Variants in DENND1A observed in about 807,000 individuals in gnomAD.
DENND1A encodes DENN domain-containing protein 1A.
DENND1A carries 51 observed loss-of-function variants against 113.7 expected under a neutral mutation model. The observed-to-expected ratio is 0.45, with a 90% CI of 0.36 to 0.57. The LOEUF is 0.57. DENND1A is among the 20% of genes least tolerant of loss of function. The pLI, the probability that DENND1A is intolerant of heterozygous loss-of-function variation, is 0.00. For missense variants in DENND1A, 1,258 were observed against 1,395.9 expected, an observed-to-expected ratio of 0.90 and a Z score of 1.57; for synonymous variants, 565 against 570.8, an observed-to-expected ratio of 0.99 and a Z score of 0.14.
intron 1 of DENND1A, among the ~76,000 whole-genome samples, chr9:123,892,291 G>A (rs897239248): frequency 6.6e-6 from 1 of 152,184 alleles, no homozygotes; most frequent in Non-Finnish European, 1.5e-5. Context: ...GTACACAATA[G>A]AGTATTACCT....
chr9:123,922,581 A>G (rs1027069666), intron 1 of DENND1A, among the ~76,000 whole-genome samples: 1 of 152,228 alleles, frequency 6.6e-6, no homozygotes, highest in Non-Finnish European at 1.5e-5. Context: ...AAATCTGATC[A>G]TAGTACATCC....
chr9:123,672,714 T>C (rs141602599), intron 6 of DENND1A, among the ~76,000 whole-genome samples: 30 of 152,352 alleles, frequency 2.0e-4, no homozygotes, highest in African/African-American at 6.5e-4. Flanking sequence ...CCGCATGGTA[T>C]GACCCAGCAA....
In DENND1A at chr9:123,639,777, CA is replaced by C. The variant is rs199515973; in HGVS notation, c.619-9302del. 6.0e-4 allele frequency among the ~76,000 whole-genome samples: 69 copies of C among 115,656 alleles called. No homozygotes were observed. The East Asian group carries it at 7.3e-3, about 12-fold the overall frequency. 75.9% of individuals were successfully genotyped at this position (115,656 alleles called of 152,430 possible). On this transcript the variant is annotated intron_variant, in intron 9 of 23. Coordinates refer to ENST00000394215, the MANE Select transcript of DENND1A (RefSeq NM_001352964.2). Reference sequence around the variant, plus strand: ...GGGCAACAAGAACGAAACTCCATCTCAAAAAAAAAAAAAAAAAAAACAAAAA... The same window carrying C: ...GGGCAACAAGAACGAAACTCCATCTCAAAAAAAAAAAAAAAAAAACAAAAA...
At chr9:123,561,580 C>T (rs1323520958) in intron 12 of DENND1A, among the ~76,000 whole-genome samples, 1 of 152,168 alleles carries the variant, frequency 6.6e-6, no homozygotes, top group Non-Finnish European at 1.5e-5. Flanking sequence ...AGTCATATAT[C>T]TAAAGCTGAA....
intron 18 of DENND1A, among the ~76,000 whole-genome samples, chr9:123,449,613 C>G (rs1288815270): frequency 6.6e-6 from 1 of 151,944 alleles, no homozygotes; most frequent in African/African-American, 2.4e-5. Flanking sequence ...AAAAAGCCCT[C>G]CCTCTTACAG....
At position 123,861,156 on chromosome 9, in the gene DENND1A, T is replaced by C. The variant is rs143522589; in HGVS notation, c.88+17795A>G. On this transcript the variant is annotated intron_variant, in intron 2 of 23. Coordinates refer to ENST00000394215, the MANE Select transcript of DENND1A (RefSeq NM_001352964.2). ...TTCCTCCCCCAACCCCCTTCCAGGA[T>C]AAAAATCCCATGTAAGACCCTGACC... Among the ~76,000 whole-genome samples, 5 of 152,268 alleles carry C rather than the reference T, an allele frequency of 3.3e-5. No homozygotes were observed. The East Asian group carries it at 9.7e-4, about 29-fold the overall frequency.
chr9:123,495,999 G>T (rs929921178), intron 13 of DENND1A, among the ~76,000 whole-genome samples: 1 of 152,218 alleles, frequency 6.6e-6, no homozygotes, highest in Admixed American at 6.5e-5. Context: ...AAGCAGAGAG[G>T]CTGGGGACAT....
chr9:123,880,370 T>C (rs1003172508), intron 1 of DENND1A, among the ~76,000 whole-genome samples: 3 of 152,226 alleles, frequency 2.0e-5, no homozygotes, highest in Non-Finnish European at 4.4e-5. Context: ...ATAAGAATAC[T>C]GTGGTTATAT....
chr9:123,749,084 G>C (rs2069780007), intron 5 of DENND1A, among the ~76,000 whole-genome samples: 1 of 152,146 alleles, frequency 6.6e-6, no homozygotes, highest in African/African-American at 2.4e-5. Context: ...AGCTGGCCTT[G>C]GGCTCATTCT....
intron 13 of DENND1A, among the ~76,000 whole-genome samples, chr9:123,520,480 T>C (rs1195774613): frequency 1.3e-5 from 2 of 152,110 alleles, no homozygotes; most frequent in Non-Finnish European, 2.9e-5. Context: ...TTTGCTGCCT[T>C]TGGAAATTGT....
chr9:123,919,009 T>C (rs1009399227), intron 1 of DENND1A, among the ~76,000 whole-genome samples: 5 of 152,100 alleles, frequency 3.3e-5, no homozygotes, highest in African/African-American at 9.7e-5. Context: ...ACGGAAATCA[T>C]ATAGGACAAA....
intron 3 of DENND1A, among the ~76,000 whole-genome samples, chr9:123,776,924 G>A (rs1830558154): frequency 6.6e-6 from 1 of 152,222 alleles, no homozygotes; most frequent in Admixed American, 6.5e-5. Flanking sequence ...TAGGATTCAT[G>A]TTAGGCTGTC....
rs2044784293 is a variant in DENND1A, at chr9:123,417,015, A to G, written c.1489-5186T>C. On this transcript the variant is annotated intron_variant, in intron 19 of 23. Transcript: ENST00000394215. ...CGGGTTAGAAACCCATGGGTTCACG[A>G]GTTGGTTCTGTCATTTTCTAGTTGA... Among the ~76,000 whole-genome samples the G allele has an allele frequency of 1.3e-5, 2 of 152,254 alleles. 1 individual carries two copies. The highest frequency in any genetic ancestry group is 4.1e-4 in the South Asian group (2 of 4,834).
chr9:123,876,230 G>A (rs2133504483), intron 2 of DENND1A, among the ~76,000 whole-genome samples: 1 of 152,202 alleles, frequency 6.6e-6, no homozygotes. Flanking sequence ...AAAAGACAAA[G>A]AAAGGCTGTA....
At chr9:123,915,614 A>G (rs1854950288) in intron 1 of DENND1A, among the ~76,000 whole-genome samples, 1 of 152,176 alleles carries the variant, frequency 6.6e-6, no homozygotes, top group Non-Finnish European at 1.5e-5. Flanking sequence ...GAGAAGTACT[A>G]TAAAGTTACT....
chr9:123,923,577 G>A (rs1227101866), intron 1 of DENND1A, among the ~76,000 whole-genome samples: 2 of 152,190 alleles, frequency 1.3e-5, no homozygotes, highest in Non-Finnish European at 2.9e-5. Flanking sequence ...TTTTGGCAAT[G>A]GGATCCTTTA....
chr9:123,850,082 A>G (rs1843117970), intron 2 of DENND1A, among the ~76,000 whole-genome samples: 1 of 152,244 alleles, frequency 6.6e-6, no homozygotes, highest in African/African-American at 2.4e-5. Context: ...CATTTATAAT[A>G]TTACACAAAC....
At chr9:123,523,256 G>A (rs1044480319) in intron 13 of DENND1A, among the ~76,000 whole-genome samples, 4 of 152,262 alleles carry the variant, frequency 2.6e-5, no homozygotes, top group African/African-American at 7.2e-5. Context: ...CAGGATGGAG[G>A]CCACTTAGGC....
intron 10 of DENND1A, among the ~76,000 whole-genome samples, chr9:123,618,864 A>G (rs2060792464): frequency 6.6e-6 from 1 of 151,534 alleles, no homozygotes; most frequent in Non-Finnish European, 1.5e-5. Context: ...CTGAATGGCA[A>G]CCATCTACAC....
Sources: gnomAD v4.1 joint callset for allele counts (sites outside exome capture counted in the v4.1 genomes callset) on GRCh38, gnomAD v4.1.1 for gene constraint, MANE v1.5 for transcripts, NCBI Gene and HGNC (gene_info 2026-07-23, HGNC 2026-07-21) for gene names.